MSRB2: variants seen among roughly 807,000 people sequenced by gnomAD.
The protein encoded by MSRB2 is methionine sulfoxide reductase B2, also known as methionine-R-sulfoxide reductase B2, mitochondrial.
A neutral mutation model predicts 19.0 loss-of-function variants in MSRB2; 17 were observed. The ratio of observed to expected loss-of-function variants is 0.89; its 90% confidence interval spans 0.61 to 1.34. The LOEUF (loss-of-function observed/expected upper bound fraction) is 1.34, where lower values mean the gene tolerates loss of function less well. Ranked by LOEUF, MSRB2 falls within the 40% of genes most tolerant of loss-of-function variation. The probability of loss-of-function intolerance (pLI) is 0.00; values close to 1 mark genes in which losing one functional copy is unlikely to be tolerated. For missense variants in MSRB2, 208 were observed against 237.6 expected (o/e 0.88, Z 0.82); for synonymous variants, 107 against 99.7 (o/e 1.07, Z -0.44).
intron 4 of MSRB2, 109 bp downstream of exon 4, chr10:23,119,560 G>A (rs1050400598): frequency 3.9e-5 from 51 of 1,318,186 alleles, no homozygotes; most frequent in Non-Finnish European, 5.0e-5. Context: ...ACTTTCTTTT[G>A]TCTTCAGAAC....
At chr10:23,105,109 C>G (rs1839971114) in intron 2 of MSRB2, among the ~76,000 whole-genome samples, 1 of 152,104 alleles carries the variant, frequency 6.6e-6, no homozygotes, top group Non-Finnish European at 1.5e-5. Context: ...CTGCATTTGG[C>G]AATCTCAGCT....
intron 3 of MSRB2, among the ~76,000 whole-genome samples, chr10:23,117,120 T>G (rs1840120173): frequency 6.6e-6 from 1 of 152,216 alleles, no homozygotes; most frequent in African/African-American, 2.4e-5. Context: ...TTTATACTTA[T>G]CTATAGACTA....
At chr10:23,106,688 AGCCCTCCCCTGCAG>A (rs1839990898) in intron 2 of MSRB2, among the ~76,000 whole-genome samples, 1 of 152,204 alleles carries the variant, frequency 6.6e-6, no homozygotes, top group Non-Finnish European at 1.5e-5. Flanking sequence ...TCTTGTAGGC[AGCCCTCCCCTGCAG>A]GTGCAGCCTC....
chr10:23,119,376 T>C lies in MSRB2; in HGVS notation c.369T>C (p.Asp123=). ...AGGCTCATGGTACGTCTGGCTCTGATGAAAGCCACACAGGGATCCTGAGAC... is the reference window on the plus strand; with the variant it reads ...AGGCTCATGGTACGTCTGGCTCTGACGAAAGCCACACAGGGATCCTGAGAC... ...FSEAHGTSGS[D]ESHTGILRRL... The change falls in exon 4 of 5, where the codon GAT becomes GAC. Residue 123 remains aspartate, a synonymous_variant. Transcript: ENST00000376510. 1 of 1,614,162 alleles carries C rather than the reference T, an allele frequency of 6.2e-7. No homozygotes were observed.
intron 2 of MSRB2, among the ~76,000 whole-genome samples, chr10:23,107,817 A>G (rs1839999997): frequency 6.6e-6 from 1 of 152,212 alleles, no homozygotes; most frequent in Non-Finnish European, 1.5e-5. Context: ...TAGAAATGAG[A>G]TAGAAGCTGA....
In MSRB2 at chr10:23,104,205, G is replaced by T; in HGVS notation, c.180G>T (p.Pro60=). The stretch of plus-strand genomic sequence containing the variant: ...GTGAGTGGCAAAAGAAACTAACCCC[G>T]GAGCAGTTCTACGTCACAAGAGAAA... The part of the protein sequence containing the change: ...AKSEWQKKLT[P]EQFYVTREKG... Residue 60 remains proline, a synonymous_variant, in exon 2 of 5, where the codon CCG becomes CCT. Transcript: ENST00000376510. The T allele has an allele frequency of 6.2e-7, 1 of 1,613,850 alleles. No homozygotes were observed. Among genetic ancestry groups the T allele is most frequent in the Non-Finnish European group, 8.5e-7 (1 of 1,179,848 alleles).
At position 23,104,137 on chromosome 10, in the gene MSRB2, A is replaced by G. The variant is rs1555804; in HGVS notation, c.119-7A>G. On this transcript the variant is annotated splice_region_variant and splice_polypyrimidine_tract_variant and intron_variant, in intron 1 of 4. Transcript: ENST00000376510. The stretch of plus-strand genomic sequence containing the variant: ...TTAATTTTTAAAATTCCTGTTTAAC[A>G]ATACAGGGTCTCTTGCAACGTGTGA... The G allele has an allele frequency of 0.025, 39,149 of 1,595,600 alleles. 4,288 individuals are homozygous for G. In the African/African-American group the frequency reaches 0.3, roughly 12 times the overall value.
chr10:23,098,368 C>T (rs968441624), intron 1 of MSRB2, among the ~76,000 whole-genome samples: 2 of 152,156 alleles, frequency 1.3e-5, no homozygotes, highest in Admixed American at 1.3e-4. Context: ...AATCGAGGCC[C>T]ACCCCGTAGA....
At chr10:23,117,292 G>T (rs1289301721) in intron 3 of MSRB2, among the ~76,000 whole-genome samples, 1 of 152,112 alleles carries the variant, frequency 6.6e-6, no homozygotes, top group East Asian at 1.9e-4. Flanking sequence ...GAGATTCCTG[G>T]GGGGGACCTT....
chr10:23,118,851 T>C (rs551080005), intron 3 of MSRB2, among the ~76,000 whole-genome samples: 13 of 152,342 alleles, frequency 8.5e-5, no homozygotes, highest in Non-Finnish European at 1.5e-4. Context: ...TGTGTTGAGA[T>C]AACCTGAAAT....
At chr10:23,100,169 A>G (rs1839912228) in intron 1 of MSRB2, among the ~76,000 whole-genome samples, 1 of 152,220 alleles carries the variant, frequency 6.6e-6, no homozygotes, top group Admixed American at 6.5e-5. Flanking sequence ...AGGGTGTTTT[A>G]TCATGATGCG....
intron 1 of MSRB2, 52 bp from the exon 2 acceptor site, chr10:23,104,091 AG>A: frequency 6.9e-7 from 1 of 1,459,430 alleles, no homozygotes; most frequent in Non-Finnish European, 9.5e-7. Context: ...AAGGAAGAAA[AG>A]TCCATCAGGC....
chr10:23,107,601 C>A (rs1422239856), intron 2 of MSRB2, among the ~76,000 whole-genome samples: 1 of 152,212 alleles, frequency 6.6e-6, no homozygotes, highest in Non-Finnish European at 1.5e-5. Context: ...GAAACTCCCC[C>A]CTTCGTAGTG....
intron 1 of MSRB2, among the ~76,000 whole-genome samples, chr10:23,099,187 A>C (rs1839899389): frequency 6.6e-6 from 1 of 152,196 alleles, no homozygotes; most frequent in Admixed American, 6.5e-5. Context: ...GGAGTGTCAC[A>C]ATTCAGCTCA....
chr10:23,110,835 C>T (rs1299239239), intron 3 of MSRB2, among the ~76,000 whole-genome samples: 1 of 152,110 alleles, frequency 6.6e-6, no homozygotes, highest in Non-Finnish European at 1.5e-5. Flanking sequence ...TTATTTGTCC[C>T]TTGATTTCAA....
At chr10:23,101,270 C>T (rs1321774645) in intron 1 of MSRB2, among the ~76,000 whole-genome samples, 5 of 152,208 alleles carry the variant, frequency 3.3e-5, no homozygotes, top group African/African-American at 1.2e-4. Flanking sequence ...TTTGGTTTTT[C>T]ATTCCTGACT....
At position 23,121,090 on chromosome 10, in the gene MSRB2, T is replaced by G; in HGVS notation, c.*228T>G. 2.4e-6 allele frequency: 1 copy of G among 412,664 alleles called. No homozygotes were observed. The highest frequency in any genetic ancestry group is 4.3e-6 in the Non-Finnish European group (1 of 234,322). The allele number at this position is 412,664 out of a possible 1,614,324, so 25.6% of individuals were successfully genotyped here. A position where few individuals can be genotyped will look rare whatever the true frequency, so the allele number is the denominator to read the frequency against. ...GTACCTGATCAGGATCTGGGAGAAT[T>G]TGAAAAAAAAAGAAAAACTAGAAAA... On this transcript the variant is annotated 3_prime_UTR_variant, in exon 5 of 5. Transcript: ENST00000376510.
At chr10:23,104,019 G>T in intron 1 of MSRB2, 125 bp from the exon 2 acceptor site, 1 of 608,486 alleles carries the variant, frequency 1.6e-6, no homozygotes, top group Non-Finnish European at 2.7e-6. Flanking sequence ...ATAAACTCGT[G>T]GGAGAGAGAG....
intron 2 of MSRB2, among the ~76,000 whole-genome samples, chr10:23,107,605 C>G (rs986154291): frequency 6.6e-6 from 1 of 152,208 alleles, no homozygotes; most frequent in Admixed American, 6.5e-5. Context: ...CTCCCCCCTT[C>G]GTAGTGAAGG....
Sources: allele counts gnomAD v4.1 joint callset (sites outside exome capture counted in the v4.1 genomes callset), GRCh38; gene constraint gnomAD v4.1.1; transcripts MANE v1.5; gene names NCBI Gene and HGNC (gene_info 2026-07-23, HGNC 2026-07-21).